Variants in ESD observed in about 807,000 individuals in gnomAD.
The protein encoded by ESD is esterase D, also known as S-formylglutathione hydrolase.
In ESD, 34 loss-of-function variants were observed where a neutral mutation model predicts 38.1. The ratio of observed to expected loss-of-function variants is 0.89; its 90% CI spans 0.68 to 1.19. The LOEUF is 1.19. Ranked by LOEUF, ESD falls within the 50% of genes most tolerant of loss-of-function variation. The pLI is 0.00. For missense variants in ESD, 334 were observed against 327.2 expected, an observed-to-expected ratio of 1.02 and a Z score of -0.16; for synonymous variants, 97 against 107.0, an observed-to-expected ratio of 0.91 and a Z score of 0.58.
chr13:46,776,416 A>G (rs1024630761), intron 9 of ESD: 5 of 152,086 alleles, frequency 3.3e-5, no homozygotes, highest in African/African-American at 1.2e-4. Context: ...CCTCAGGAGA[A>G]TATCATGCCG....
At chr13:46,781,385 T>G in intron 7 of ESD, 111 bp downstream of exon 7, 1 of 981,564 alleles carries the variant, frequency 1.0e-6, no homozygotes, top group South Asian at 1.8e-5. Flanking sequence ...TTCTCAACAC[T>G]AGAAAAGTTT....
At chr13:46,778,730 G>A (rs1874892090) in intron 8 of ESD, among the ~76,000 whole-genome samples, 1 of 151,740 alleles carries the variant, frequency 6.6e-6, no homozygotes, top group South Asian at 2.1e-4. Flanking sequence ...AAACACTGAT[G>A]TACATGCAAT....
At chr13:46,776,894 TAG>T (rs545292589) in intron 9 of ESD, 15 of 152,112 alleles carry the variant, frequency 9.9e-5, no homozygotes, top group African/African-American at 3.4e-4. Flanking sequence ...GTAGCATATA[TAG>T]AGTTAGGTGA....
At chr13:46,788,642 A>C (rs1357236258) in intron 3 of ESD, among the ~76,000 whole-genome samples, 1 of 150,918 alleles carries the variant, frequency 6.6e-6, no homozygotes, top group African/African-American at 2.4e-5. Context: ...AAGTATGTTC[A>C]ACAGTGGTAT....
chr13:46,793,278 G>A (rs1875460064), intron 2 of ESD, 119 bp downstream of exon 2: 1 of 152,286 alleles, frequency 6.6e-6, no homozygotes, highest in Non-Finnish European at 1.5e-5. Flanking sequence ...CATTATAATA[G>A]GTGGTTATAT....
chr13:46,796,985 G>A (rs1875608606), intron 1 of ESD, 120 bp downstream of exon 1: 1 of 152,404 alleles, frequency 6.6e-6, no homozygotes, highest in South Asian at 2.1e-4. Flanking sequence ...CGCCGTCTCT[G>A]CGCTCGTGCC....
At position 46,771,354 on chromosome 13, in the gene ESD, G is replaced by A. The variant is rs1209738069; in HGVS notation, c.*62C>T. 6 of 1,011,990 alleles carry A rather than the reference G, an allele frequency of 5.9e-6. No homozygotes were observed. Among genetic ancestry groups the A allele is most frequent in the African/African-American group, 1.8e-5 (1 of 56,724 alleles). 62.7% of individuals were successfully genotyped at this position (1,011,990 alleles called of 1,614,324 possible). A position where few individuals can be genotyped will look rare whatever the true frequency, so the allele number is the denominator to read the frequency against. On this transcript the variant is annotated 3_prime_UTR_variant, in exon 10 of 10. Coordinates refer to ENST00000378720, the MANE Select transcript of ESD (RefSeq NM_001984.2). ...TTTGAATTTTTTTTTTTTTTGCTCA[G>A]CAATACAGTTGCATTTTACAACTTT...
intron 1 of ESD, among the ~76,000 whole-genome samples, chr13:46,796,288 G>A (rs900583109): frequency 1.8e-4 from 27 of 152,186 alleles, no homozygotes; most frequent in African/African-American, 6.3e-4. Flanking sequence ...ATTACTACAT[G>A]ACACTGGGCA....
intron 4 of ESD, 89 bp from the exon 5 acceptor site, chr13:46,784,439 G>A: frequency 1.1e-6 from 1 of 900,704 alleles, no homozygotes; most frequent in South Asian, 1.5e-5. Context: ...GGGGGAGACG[G>A]AGACGGACAA....
Position 46,788,127 on chromosome 13 carries a change from T to C in ESD, c.69-1018A>G, listed in dbSNP as rs370711581. On this transcript the variant is annotated intron_variant, in intron 3 of 9. Coordinates refer to ENST00000378720, the MANE Select transcript of ESD (RefSeq NM_001984.2). ...ATTCAGAGATAAGCCATGTAGTATA[T>C]TAGCATTACTTTCCTTTTTCTTTCA... Among the ~76,000 whole-genome samples, 6 of 152,156 alleles carry C rather than the reference T, an allele frequency of 3.9e-5. No individual in the cohort carries two copies. The East Asian group carries it at 1.2e-3, about 29-fold the overall frequency.
chr13:46,791,415 C>A lies in ESD; in HGVS notation c.-2G>T, dbSNP rs1294682401. ...GCTGGAAATCTGCTTCAATGCCATT[C>A]TTTTCCTATTAGTAAAGAGTAATCT... On this transcript the variant is annotated 5_prime_UTR_variant, in exon 3 of 10. Coordinates refer to ENST00000378720, the MANE Select transcript of ESD (RefSeq NM_001984.2). The A allele has an allele frequency of 3.1e-6, 5 of 1,611,616 alleles. No homozygotes were observed. The South Asian group carries it at 5.5e-5, about 18-fold the overall frequency.
chr13:46,782,787 GCCACCTATCAAGAAA>G lies in ESD; in HGVS notation c.257-11_260del. On this transcript the variant is annotated splice_acceptor_variant and splice_polypyrimidine_tract_variant and coding_sequence_variant and intron_variant, in exon 6 of 10. Transcript: ENST00000378720. LOFTEE classifies it high-confidence loss of function. ...TCTCATCTTCACCTTTAATATTGCA[GCCACCTATCAAGAAA>G]CAATCTTGTGGTTTCATCTGCTCTG... 6.2e-7 allele frequency: 1 copy of G among 1,611,800 alleles called. No individual in the cohort carries two copies. The highest frequency in any genetic ancestry group is 8.5e-7 in the Non-Finnish European group (1 of 1,178,610).
intron 9 of ESD, among the ~76,000 whole-genome samples, chr13:46,773,171 CTATTGAATAG>C (rs1237775695): frequency 6.6e-6 from 1 of 152,116 alleles, no homozygotes; most frequent in Non-Finnish European, 1.5e-5. Flanking sequence ...CATGTCTTTG[CTATTGAATAG>C]TATTGAATAG....
At chr13:46,787,735 ATAGTT>A (rs1228941753) in intron 3 of ESD, among the ~76,000 whole-genome samples, 4 of 152,130 alleles carry the variant, frequency 2.6e-5, no homozygotes, top group South Asian at 2.1e-4. Context: ...ATGTAAGTAC[ATAGTT>A]TAAAGTAAAC....
At chr13:46,781,637 G>T in intron 6 of ESD, 22 bp from the exon 7 acceptor site, 2 of 1,590,862 alleles carry the variant, frequency 1.3e-6, no homozygotes, top group South Asian at 2.2e-5. Flanking sequence ...TTAATAGTGT[G>T]ACAAAAGATA....
chr13:46,795,152 C>G (rs1875530964), intron 1 of ESD, among the ~76,000 whole-genome samples: 1 of 152,118 alleles, frequency 6.6e-6, no homozygotes, highest in South Asian at 2.1e-4. Flanking sequence ...TCAAAGTTAC[C>G]TTCTTTTTGA....
At chr13:46,772,611 C>T (rs183747694) in intron 9 of ESD, among the ~76,000 whole-genome samples, 231 of 152,294 alleles carry the variant, frequency 1.5e-3, no homozygotes, top group Non-Finnish European at 2.5e-3. Context: ...TTTGGCAGGC[C>T]CCAGTGTGGG....
At chr13:46,796,747 C>T (rs1195130427) in intron 1 of ESD, among the ~76,000 whole-genome samples, 2 of 152,238 alleles carry the variant, frequency 1.3e-5, no homozygotes, top group Non-Finnish European at 2.9e-5. Context: ...CCTTAAAATG[C>T]GTACACATCT....
At chr13:46,773,454 A>C (rs1001560700) in intron 9 of ESD, among the ~76,000 whole-genome samples, 1 of 152,236 alleles carries the variant, frequency 6.6e-6, no homozygotes, top group South Asian at 2.1e-4. Flanking sequence ...ATGAAAGTCT[A>C]ACAAAGATTT....
Sources: allele counts gnomAD v4.1 joint callset (sites outside exome capture counted in the v4.1 genomes callset), GRCh38; gene constraint gnomAD v4.1.1; transcripts MANE v1.5; gene names NCBI Gene and HGNC (gene_info 2026-07-23, HGNC 2026-07-21).